MOBP: variants seen among roughly 807,000 people sequenced by gnomAD.
MOBP encodes myelin-associated oligodendrocyte basic protein.
Under a neutral mutation model 15.0 loss-of-function variants are expected in MOBP, and 5 were observed. The observed-to-expected ratio is 0.33, with a 90% CI of 0.17 to 0.70. MOBP has a LOEUF of 0.70. Among genes scored for constraint, MOBP ranks in the 30% least tolerant of loss-of-function variants. The pLI is 0.67. For missense variants in MOBP, 188 were observed against 257.8 expected (o/e 0.73, Z 1.85); for synonymous variants, 88 against 99.0 (o/e 0.89, Z 0.66).
In MOBP at chr3:39,502,901, T is replaced by C; in HGVS notation, c.*21T>C. The C allele has an allele frequency of 9.3e-7, 1 of 1,069,740 alleles. No individual in the cohort carries two copies. 66.3% of individuals were successfully genotyped at this position (1,069,740 alleles called of 1,614,324 possible). A position where few individuals can be genotyped will look rare whatever the true frequency, so the allele number is the denominator to read the frequency against. ...GGTAACACCATCTCTTCCCTTTTGT[T>C]CCCCAGCCCTAAGGTTAGTAGTTGC... On this transcript the variant is annotated 3_prime_UTR_variant, in exon 4 of 4. Transcript: ENST00000684792. The surrounding 1 kb of genome is among the most constrained non-coding windows in gnomAD (Gnocchi z 6.3).
At chr3:39,509,756 AATT>A (rs2043095722) in intron 4 of MOBP, among the ~76,000 whole-genome samples, 2 of 152,102 alleles carry the variant, frequency 1.3e-5, no homozygotes, top group Non-Finnish European at 2.9e-5. Flanking sequence ...AAAAATAAAA[AATT>A]ATTATTTTTT....
At chr3:39,473,536 T>G (rs1438097632) in intron 1 of MOBP, among the ~76,000 whole-genome samples, 1 of 152,194 alleles carries the variant, frequency 6.6e-6, no homozygotes, top group Non-Finnish European at 1.5e-5. Flanking sequence ...CTGTCTGGTA[T>G]CTGGTCCTGG....
exon 5 of MOBP, chr3:39,513,658 C>T (rs2043151615): frequency 1.8e-6 from 1 of 542,642 alleles, no homozygotes; most frequent in Admixed American, 3.5e-5. Context: ...GTTCCAGCAG[C>T]ACCCGCAGGC....
intron 4 of MOBP, among the ~76,000 whole-genome samples, chr3:39,509,375 T>G (rs1343500221): frequency 1.3e-5 from 2 of 152,202 alleles, no homozygotes; most frequent in African/African-American, 4.8e-5. Flanking sequence ...TAACACTTGG[T>G]ACTATCAGCT....
At chr3:39,493,980 C>T (rs983585735) in intron 2 of MOBP, among the ~76,000 whole-genome samples, 2 of 152,062 alleles carry the variant, frequency 1.3e-5, no homozygotes, top group African/African-American at 4.8e-5. Flanking sequence ...GAATAAAAAG[C>T]CTTATTATTG....
intron 2 of MOBP, among the ~76,000 whole-genome samples, chr3:39,489,103 T>C (rs2042757281): frequency 6.6e-6 from 1 of 152,234 alleles, no homozygotes; most frequent in Non-Finnish European, 1.5e-5. Context: ...CTTGGAGACA[T>C]CAAGTCTCAA....
intron 1 of MOBP, among the ~76,000 whole-genome samples, chr3:39,477,119 C>T (rs1345369802): frequency 6.6e-6 from 1 of 152,044 alleles, no homozygotes; most frequent in African/African-American, 2.4e-5. Flanking sequence ...TCTGGGGTCT[C>T]AACTGAAAGA....
intron 1 of MOBP, among the ~76,000 whole-genome samples, chr3:39,470,576 T>C (rs953684630): frequency 2.0e-5 from 3 of 152,174 alleles, no homozygotes; most frequent in African/African-American, 7.2e-5. Flanking sequence ...CACTTTACTT[T>C]AAAGTTACAA....
At chr3:39,507,149 C>A (rs2043059108), downstream of MOBP, among the ~76,000 whole-genome samples, 1 of 152,182 alleles carries the variant, frequency 6.6e-6, no homozygotes, top group South Asian at 2.1e-4. Context: ...AACCTTAATT[C>A]ATCATTGACA....
intron 1 of MOBP, among the ~76,000 whole-genome samples, chr3:39,472,106 G>A (rs1448755795): frequency 1.3e-5 from 2 of 152,248 alleles, no homozygotes; most frequent in African/African-American, 4.8e-5. Flanking sequence ...GAGAACCTCT[G>A]TTTGGAAGTG....
intron 1 of MOBP, among the ~76,000 whole-genome samples, chr3:39,469,270 A>AAT (rs2042430847): frequency 7.5e-6 from 1 of 133,504 alleles, no homozygotes; most frequent in Admixed American, 7.8e-5. Flanking sequence ...GTGTATATGT[A>AAT]TAGATATATA....
intron 4 of MOBP, among the ~76,000 whole-genome samples, chr3:39,509,406 G>A (rs1513213): frequency 0.31 from 46,850 of 151,972 alleles, 9,462 homozygotes; most frequent in African/African-American, 0.58. Flanking sequence ...TATTCATTCT[G>A]ATAGGTATGT....
intron 1 of MOBP, among the ~76,000 whole-genome samples, chr3:39,477,998 A>G (rs138616384): frequency 8.7e-4 from 133 of 152,260 alleles, no homozygotes; most frequent in Middle Eastern, 3.4e-3. Flanking sequence ...ATAAAGTAAA[A>G]TGTTACAGTA....
intron 1 of MOBP, among the ~76,000 whole-genome samples, chr3:39,468,848 TA>T (rs1290538670): frequency 9.6e-5 from 11 of 115,168 alleles, no homozygotes; most frequent in African/African-American, 5.6e-4. Context: ...TATATACATA[TA>T]TACATGAGTG....
At chr3:39,512,607 T>C (rs2043134169) in intron 4 of MOBP, among the ~76,000 whole-genome samples, 1 of 152,264 alleles carries the variant, frequency 6.6e-6, no homozygotes, top group Non-Finnish European at 1.5e-5. Flanking sequence ...GTATAAATTT[T>C]ATTTCTAATA....
In MOBP at chr3:39,502,858, T is replaced by A; in HGVS notation, c.530T>A (p.Val177Asp). 7.1e-7 allele frequency: 1 copy of A among 1,403,128 alleles called. No individual in the cohort carries two copies. Among genetic ancestry groups the A allele is most frequent in the Non-Finnish European group, 9.6e-7 (1 of 1,039,084 alleles). The allele number at this position is 1,403,128 out of a possible 1,614,324, so 86.9% of individuals were successfully genotyped here. The part of the protein sequence containing the change: ...GPGASRGGSP[V>D]KASRFW ...GGCGCCAGCCGTGGGGGGTCCCCCGTCAAAGCTTCTAGGTTCTGGTAACAC... is the reference window on the plus strand; with the variant it reads ...GGCGCCAGCCGTGGGGGGTCCCCCGACAAAGCTTCTAGGTTCTGGTAACAC... Residue 177 changes from valine to aspartate, a missense_variant, in exon 4 of 4, where the codon GTC becomes GAC. Transcript: ENST00000684792. This position sits in a 1 kb window ranked among gnomAD's most constrained non-coding sequence, Gnocchi z 6.3.
intron 2 of MOBP, among the ~76,000 whole-genome samples, chr3:39,492,301 C>CCAGA (rs1336206490): frequency 6.6e-6 from 1 of 152,058 alleles, no homozygotes; most frequent in Non-Finnish European, 1.5e-5. Context: ...AGGACACCAC[C>CCAGA]CAGACCAGCC....
chr3:39,515,780 C>A (rs2125671781), exon 5 of MOBP: 1 of 152,322 alleles, frequency 6.6e-6, no homozygotes, highest in Non-Finnish European at 1.5e-5. Flanking sequence ...AAACTCGGTG[C>A]TGTTTCCATA....
intron 2 of MOBP, among the ~76,000 whole-genome samples, chr3:39,481,398 A>G (rs190014403): frequency 4.6e-4 from 70 of 152,338 alleles, no homozygotes; most frequent in Non-Finnish European, 5.9e-4. Context: ...CTCTTCTAAC[A>G]AAGACCAACC....
Sources: gnomAD v4.1 joint callset for allele counts (sites outside exome capture counted in the v4.1 genomes callset) on GRCh38, gnomAD v4.1.1 for gene constraint, Gnocchi (gnomAD v3.1) non-coding constraint, MANE v1.5 for transcripts, NCBI Gene and HGNC (gene_info 2026-07-23, HGNC 2026-07-21) for gene names.